The following SPTBN2 variants were observed in gnomAD, a reference collection of about 807,000 sequenced individuals.
SPTBN2 encodes spectrin beta, non-erythrocytic 2, also known as spectrin beta chain, non-erythrocytic 2.
SPTBN2 carries 107 observed loss-of-function variants against 284.2 expected under a neutral mutation model. The ratio of observed to expected loss-of-function variants is 0.38; its 90% CI spans 0.32 to 0.44. The LOEUF is 0.44. SPTBN2 is among the 20% of genes least tolerant of loss of function. The pLI is 1.00. For synonymous variants in SPTBN2, 1,289 were observed against 1,354.8 expected, an observed-to-expected ratio of 0.95 and a Z score of 1.07; for missense variants, 2,569 against 3,287.1, an observed-to-expected ratio of 0.78 and a Z score of 5.34.
chr11:66,698,250 A>G (rs1257205780), intron 20 of SPTBN2, among the ~76,000 whole-genome samples: 3 of 152,216 alleles, frequency 2.0e-5, no homozygotes, highest in Non-Finnish European at 4.4e-5. Context: ...TTGCACTACA[A>G]CGACAGAGAT....
intron 36 of SPTBN2, 171 bp from the exon 37 acceptor site, chr11:66,686,611 G>A: frequency 1.3e-6 from 1 of 760,916 alleles, no homozygotes; most frequent in Non-Finnish European, 2.2e-6. Context: ...CTGTGCAGAA[G>A]CACATCCTTT....
rs1941798688 is a variant in SPTBN2 at position 66,710,487 on chromosome 11, T to C, written c.1073+95A>G. ...GTGGGAAATCTCCACTGCATTTATG[T>C]ACTGCCAAATTTCCCTCCCTGAAGG... On this transcript the variant is annotated intron_variant, in intron 10 of 37. Transcript: ENST00000533211. This position sits in a 1 kb window ranked among gnomAD's most constrained non-coding sequence, Gnocchi z 4.9. The C allele has an allele frequency of 1.6e-6, 2 of 1,282,516 alleles. No individual in the cohort carries two copies. The highest frequency in any genetic ancestry group is 2.0e-5 in the Admixed American group (1 of 50,182). 79.4% of individuals were successfully genotyped at this position (1,282,516 alleles called of 1,614,324 possible). A position where few individuals can be genotyped will look rare whatever the true frequency, so the allele number is the denominator to read the frequency against.
chr11:66,693,747 C>G lies in SPTBN2; in HGVS notation c.4593+25G>C, dbSNP rs1345363979. On this transcript the variant is annotated intron_variant, in intron 23 of 37. Coordinates refer to ENST00000533211, the MANE Select transcript of SPTBN2 (RefSeq NM_006946.4). This position sits in a 1 kb window ranked among gnomAD's most constrained non-coding sequence, Gnocchi z 5.7. ...TCTGGGCAGGCTCCTGGGAACTTCT[C>G]TTTTGCCTTCAGCCTCTGCCTCACC... 6.2e-7 allele frequency: 1 copy of G among 1,602,752 alleles called. No individual in the cohort carries two copies.
At chr11:66,735,344 G>T (rs11825057) in intron 1 of SPTBN2, among the ~76,000 whole-genome samples, 1 of 144,066 alleles carries the variant, frequency 6.9e-6, no homozygotes, top group Non-Finnish European at 1.5e-5. Flanking sequence ...AAAAAAAAAA[G>T]AAAAAAAAAA....
Position 66,694,312 on chromosome 11 carries a change from C to T in SPTBN2, c.4330G>A (p.Ala1444Thr), listed in dbSNP as rs765561071. The T allele has an allele frequency of 5.6e-6, 9 of 1,614,242 alleles. No individual in the cohort carries two copies. The Admixed American group carries it at 1.2e-4, about 21-fold the overall frequency. ...TCCTGGGCCAGTGCTTTGGCCTGGG[C>T]CTGGATTGCCTCCACCTCCTTCTCT... ...VREKEVEAIQ[A>T]QAKALAQEDQ... The change falls in exon 22 of 38, where the codon GCC (alanine) becomes ACC (threonine). Residue 1444 changes from alanine (A) to threonine (T), a missense_variant. Physicochemically the swap from Ala to Thr is moderately conservative, Grantham distance 58 (BLOSUM62 0). This residue lies in a region of SPTBN2 where 49 missense variants were observed against 92.6 expected (regional missense o/e 0.53). Transcript: ENST00000533211.
Position 66,705,209 on chromosome 11 carries a change from C to A in SPTBN2, c.2067G>T (p.Glu689Asp). The A allele has an allele frequency of 6.5e-7, 1 of 1,541,230 alleles. No individual in the cohort carries two copies. Among genetic ancestry groups the A allele is most frequent in the Admixed American group, 1.9e-5 (1 of 51,432 alleles). Residue 689 changes from glutamate (E) to aspartate (D), a missense_variant, in exon 15 of 38, where the codon GAG (glutamate) becomes GAT (aspartate). Around this residue, in one of 6 missense-constraint regions of SPTBN2, gnomAD observed 1,012 missense variants for 1,248.9 expected, o/e 0.81. Coordinates refer to ENST00000533211, the MANE Select transcript of SPTBN2 (RefSeq NM_006946.4). Reference protein sequence around the residue: ...LLNKHTALRGEMSGRLGPLKL... With the variant: ...LLNKHTALRGDMSGRLGPLKL... ...TCAGGGGCCCCAGCCGGCCGCTCAT[C>A]TCGCCCCGCAGGGCTGTGTGCTTGT...
At chr11:66,716,105 A>G (rs1942133336) in intron 3 of SPTBN2, 124 bp from the exon 4 acceptor site, 2 of 1,240,796 alleles carry the variant, frequency 1.6e-6, no homozygotes, top group Non-Finnish European at 2.3e-6. Flanking sequence ...TCTAAGGAGG[A>G]GGAAGGGAAG....
chr11:66,696,237 T>G, intron 21 of SPTBN2, 40 bp downstream of exon 21: 2 of 1,604,372 alleles, frequency 1.2e-6, no homozygotes, highest in Non-Finnish European at 1.7e-6. Context: ...AGCCCCTTTC[T>G]TCTGCTGTTC....
chr11:66,694,895 G>C (rs946758640), intron 21 of SPTBN2, among the ~76,000 whole-genome samples: 1 of 152,180 alleles, frequency 6.6e-6, no homozygotes. Context: ...ACGGTTCCAA[G>C]GTGCTTTTCT....
At chr11:66,696,680 C>A (rs541310672) in intron 20 of SPTBN2, 140 bp from the exon 21 acceptor site, 2 of 1,199,390 alleles carry the variant, frequency 1.7e-6, no homozygotes, top group South Asian at 1.3e-5. Flanking sequence ...CTTATCGACA[C>A]ACTCTTCACG....
At chr11:66,727,296 G>T (rs1341456242) in intron 1 of SPTBN2, among the ~76,000 whole-genome samples, 1 of 152,192 alleles carries the variant, frequency 6.6e-6, no homozygotes, top group African/African-American at 2.4e-5. Context: ...TGCTACCTCT[G>T]CCCATACCTG....
chr11:66,687,665 T>A lies in SPTBN2; in HGVS notation c.6502-18A>T. Reference sequence around the variant, plus strand: ...CCAGGTCCCTGGGGGGGAATCAGTGTCAGTGTCAAAGGTTGAGACGGGAGA... The same window carrying A: ...CCAGGTCCCTGGGGGGGAATCAGTGACAGTGTCAAAGGTTGAGACGGGAGA... On this transcript the variant is annotated intron_variant, in intron 34 of 37. Transcript: ENST00000533211. This position sits in a 1 kb window ranked among gnomAD's most constrained non-coding sequence, Gnocchi z 5.2. 1 of 1,583,154 alleles carries A rather than the reference T, an allele frequency of 6.3e-7. No individual in the cohort carries two copies. Among genetic ancestry groups the A allele is most frequent in the Non-Finnish European group, 8.6e-7 (1 of 1,164,538 alleles).
In SPTBN2 at chr11:66,688,632, C is replaced by T. The variant is rs755720198; in HGVS notation, c.6231+21G>A. On this transcript the variant is annotated intron_variant, in intron 31 of 37. Transcript: ENST00000533211. ...CAGGGGAGCAGGTTGGAGTGGGCAT[C>T]CGGGGTCCTGTGTCCCTCACCGCAG... is the stretch of plus-strand genomic sequence containing the variant. 7 of 1,613,390 alleles carry T rather than the reference C, an allele frequency of 4.3e-6. No individual in the cohort carries two copies. The East Asian group carries it at 1.6e-4, about 36-fold the overall frequency.
At chr11:66,737,865 G>GA (rs200029620) in intron 1 of SPTBN2, among the ~76,000 whole-genome samples, 1,868 of 152,158 alleles carry the variant, frequency 0.012, 12 homozygotes, top group Admixed American at 0.02. Context: ...GAAATGAGTT[G>GA]AAAAAAATAT....
In SPTBN2 at chr11:66,685,692, G is replaced by A; in HGVS notation, c.*179C>T. 1.5e-6 allele frequency: 1 copy of A among 645,780 alleles called. No homozygotes were observed. The highest frequency in any genetic ancestry group is 1.8e-5 in the South Asian group (1 of 56,786). 40.0% of individuals were successfully genotyped at this position (645,780 alleles called of 1,614,324 possible). A position where few individuals can be genotyped will look rare whatever the true frequency, so the allele number is the denominator to read the frequency against. ...ACCAGTCTGGAATTAAACAGCAGAA[G>A]AGAAGGGCTGCCCTTGGGAACATGG... On this transcript the variant is annotated 3_prime_UTR_variant, in exon 38 of 38. Transcript: ENST00000533211. This position sits in a 1 kb window ranked among gnomAD's most constrained non-coding sequence, Gnocchi z 4.4.
rs367573336 is a variant in SPTBN2 at position 66,699,063 on chromosome 11, C to T, written c.3796G>A (p.Ala1266Thr). Residue 1266 changes from alanine (A) to threonine (T), a missense_variant, in exon 19 of 38, where the codon GCA (alanine) becomes ACA (threonine). Physicochemically the swap from Ala to Thr is moderately conservative, Grantham distance 58 (BLOSUM62 0). Coordinates refer to ENST00000533211, the MANE Select transcript of SPTBN2 (RefSeq NM_006946.4). ...IERRHKKNQDAAQQFLGRLRD... is the reference protein window; with the variant it reads ...IERRHKKNQDTAQQFLGRLRD... ...AGACGGCCCAGAAATTGCTGCGCTG[C>T]GTCTTGATTCTTCTTGTGCCTGGAA... The T allele has an allele frequency of 6.8e-6, 11 of 1,614,196 alleles. No homozygotes were observed. Among genetic ancestry groups the T allele is most frequent in the Admixed American group, 1.7e-5 (1 of 60,026 alleles).
chr11:66,691,574 T>C lies in SPTBN2; in HGVS notation c.5275A>G (p.Asn1759Asp). 1 of 1,613,742 alleles carries C rather than the reference T, an allele frequency of 6.2e-7. No individual in the cohort carries two copies. Among genetic ancestry groups the C allele is most frequent in the Non-Finnish European group, 8.5e-7 (1 of 1,180,036 alleles). The change falls in exon 27 of 38, where the codon AAT becomes GAT. Residue 1759 changes from asparagine (N) to aspartate (D), a missense_variant. Physicochemically the swap from Asn to Asp is conservative, Grantham distance 23. Transcript: ENST00000533211. The surrounding 1 kb of genome is among the most constrained non-coding windows in gnomAD (Gnocchi z 8.0). ...GCATGGCCCCCAGCAATGAGCCCAT[T>C]GGCCAGCGCATTGGCGCTATCTACG... ...ERVDSANALANGLIAGGHAAR... is the reference protein window; with the variant it reads ...ERVDSANALADGLIAGGHAAR...
At chr11:66,723,189 A>G (rs1336146388) in intron 1 of SPTBN2, among the ~76,000 whole-genome samples, 1 of 151,958 alleles carries the variant, frequency 6.6e-6, no homozygotes, top group Non-Finnish European at 1.5e-5. Context: ...TGAGGTTCAG[A>G]ATATCTGCTG....
rs1303035678 is a variant in SPTBN2, at chr11:66,707,850, G to T, written c.1351-32C>A. ...CGGGGGCAGGGAGAGGAGGTGTGGGGACCAAGGGACAGTGCCTCTGCCTGC... is the reference window on the plus strand; with the variant it reads ...CGGGGGCAGGGAGAGGAGGTGTGGGTACCAAGGGACAGTGCCTCTGCCTGC... On this transcript the variant is annotated intron_variant, in intron 12 of 37. Coordinates refer to ENST00000533211, the MANE Select transcript of SPTBN2 (RefSeq NM_006946.4). This position sits in a 1 kb window ranked among gnomAD's most constrained non-coding sequence, Gnocchi z 4.9. The T allele has an allele frequency of 1.9e-6, 3 of 1,602,836 alleles. No homozygotes were observed. Among genetic ancestry groups the T allele is most frequent in the South Asian group, 2.2e-5 (2 of 90,712 alleles).
Sources: gnomAD v4.1 joint callset for allele counts (sites outside exome capture counted in the v4.1 genomes callset) on GRCh38, gnomAD v4.1.1 for gene constraint, gnomAD v4.1.1 regional missense constraint, Gnocchi (gnomAD v3.1) non-coding constraint, MANE v1.5 for transcripts, NCBI Gene and HGNC (gene_info 2026-07-23, HGNC 2026-07-21) for gene names.